Variants in PAN3 observed in about 807,000 individuals in gnomAD.
PAN3 encodes PAN2-PAN3 deadenylation complex subunit PAN3.
Under a neutral mutation model 96.2 loss-of-function variants are expected in PAN3, and 19 were observed. The observed-to-expected ratio is 0.20, with a 90% CI of 0.14 to 0.29. The LOEUF (loss-of-function observed/expected upper bound fraction) is 0.29. Ranked by LOEUF, PAN3 falls within the 10% of genes least tolerant of loss-of-function variation. The pLI is 1.00. For synonymous variants in PAN3, 433 were observed against 406.6 expected, an observed-to-expected ratio of 1.06 and a Z score of -0.78; for missense variants, 882 against 1,108.1, an observed-to-expected ratio of 0.80 and a Z score of 2.90.
At chr13:28,288,166 A>C (rs1252125405) in intron 18 of PAN3, 44 bp downstream of exon 18, 8 of 1,523,106 alleles carry the variant, frequency 5.3e-6, no homozygotes, top group Non-Finnish European at 7.1e-6. Flanking sequence ...TCTGCCTATA[A>C]TTTGTATAGA....
chr13:28,220,494 G>A, intron 6 of PAN3, 116 bp downstream of exon 6: 9 of 1,264,676 alleles, frequency 7.1e-6, no homozygotes, highest in Non-Finnish European at 9.4e-6. Flanking sequence ...TGAACATTAA[G>A]AGCTTTATGT....
At chr13:28,276,055 A>T (rs1192053566) in intron 14 of PAN3, among the ~76,000 whole-genome samples, 1 of 152,228 alleles carries the variant, frequency 6.6e-6, no homozygotes, top group East Asian at 1.9e-4. Context: ...CCTTAAAGTT[A>T]CAAATATTCC....
intron 1 of PAN3, among the ~76,000 whole-genome samples, chr13:28,171,732 C>A (rs1048900106): frequency 6.6e-6 from 1 of 152,174 alleles, no homozygotes; most frequent in Admixed American, 6.5e-5. Context: ...ACTCCTTGAA[C>A]CCCACAGTTA....
chr13:28,148,851 G>A (rs1018612842), intron 1 of PAN3, among the ~76,000 whole-genome samples: 3 of 152,114 alleles, frequency 2.0e-5, no homozygotes, highest in African/African-American at 7.2e-5. Context: ...TCTCGTGGCT[G>A]TGTAAATATT....
At chr13:28,175,834 C>G (rs183797181) in intron 2 of PAN3, among the ~76,000 whole-genome samples, 4 of 152,014 alleles carry the variant, frequency 2.6e-5, no homozygotes, top group African/African-American at 9.7e-5. Context: ...CTTTTTTCTT[C>G]TCTTTTAAAA....
chr13:28,214,559 T>C (rs543250388), intron 5 of PAN3: 27 of 364,846 alleles, frequency 7.4e-5, no homozygotes, highest in African/African-American at 4.5e-4. Context: ...ATTGGACACA[T>C]AGATTCAAGG....
intron 1 of PAN3, among the ~76,000 whole-genome samples, chr13:28,142,289 C>A (rs1251043556): frequency 6.6e-6 from 1 of 152,068 alleles, no homozygotes; most frequent in African/African-American, 2.4e-5. Context: ...TGCTTTCTAC[C>A]TTTTACTGTA....
intron 6 of PAN3, among the ~76,000 whole-genome samples, chr13:28,238,438 G>T (rs990846849): frequency 6.6e-6 from 1 of 152,150 alleles, no homozygotes; most frequent in African/African-American, 2.4e-5. Flanking sequence ...AATGTCAGAT[G>T]CCTATATTCA....
intron 1 of PAN3, among the ~76,000 whole-genome samples, chr13:28,156,031 C>A (rs1261935977): frequency 6.6e-6 from 1 of 152,002 alleles, no homozygotes; most frequent in Non-Finnish European, 1.5e-5. Context: ...TTACCACCCC[C>A]AAAGCTGGCA....
chr13:28,261,189 A>G (rs1168687468), intron 8 of PAN3, among the ~76,000 whole-genome samples: 1 of 152,194 alleles, frequency 6.6e-6, no homozygotes, highest in African/African-American at 2.4e-5. Context: ...ACATCTACTT[A>G]AACCCAATCT....
intron 5 of PAN3, among the ~76,000 whole-genome samples, chr13:28,211,746 T>TA (rs1358575863): frequency 6.6e-6 from 1 of 152,172 alleles, no homozygotes; most frequent in Non-Finnish European, 1.5e-5. Context: ...CAGAAACAGC[T>TA]AAAAAACTGA....
At chr13:28,163,007 G>C (rs1441595562) in intron 1 of PAN3, among the ~76,000 whole-genome samples, 11 of 152,048 alleles carry the variant, frequency 7.2e-5, no homozygotes, top group African/African-American at 2.7e-4. Context: ...TGTAAACTCA[G>C]CACTGTGGGA....
chr13:28,184,106 C>G (rs1467121680), intron 4 of PAN3, among the ~76,000 whole-genome samples: 2 of 152,114 alleles, frequency 1.3e-5, no homozygotes, highest in African/African-American at 4.8e-5. Context: ...CCTTCTTCCT[C>G]ACAGAAACTT....
intron 6 of PAN3, among the ~76,000 whole-genome samples, chr13:28,255,265 C>T (rs1420151298): frequency 1.3e-5 from 2 of 152,076 alleles, no homozygotes; most frequent in Admixed American, 6.6e-5. Flanking sequence ...GTAACTGTTG[C>T]TCTAAATACC....
Position 28,139,023 on chromosome 13 carries a change from G to C in PAN3, c.366G>C (p.Pro122=). ...CCAAGAAGCCGGACCTGGGGGACCC[G>C]GGGACCGGAGCCGCAGCCGGCGGAG... The part of the protein sequence containing the change: ...PGPKKPDLGD[P]GTGAAAGGGG... The change falls in exon 1 of 19, where the codon CCG becomes CCC. Residue 122 remains proline (P), a synonymous_variant. Transcript: ENST00000380958. 7.8e-7 allele frequency: 1 copy of C among 1,274,410 alleles called. No homozygotes were observed. The allele number at this position is 1,274,410 out of a possible 1,614,324, so 78.9% of individuals were successfully genotyped here.
At chr13:28,190,088 C>T (rs374391730) in intron 4 of PAN3, among the ~76,000 whole-genome samples, 16 of 152,084 alleles carry the variant, frequency 1.1e-4, no homozygotes, top group African/African-American at 2.7e-4. Flanking sequence ...GGATTATAGG[C>T]GCGTACCACC....
chr13:28,246,033 G>A (rs573940297), intron 6 of PAN3, among the ~76,000 whole-genome samples: 2 of 152,268 alleles, frequency 1.3e-5, no homozygotes, highest in Non-Finnish European at 2.9e-5. Context: ...TCGGTAATAT[G>A]CCTAGTAGTG....
chr13:28,242,303 A>G (rs1194524972), intron 6 of PAN3, among the ~76,000 whole-genome samples: 1 of 152,114 alleles, frequency 6.6e-6, no homozygotes, highest in African/African-American at 2.4e-5. Context: ...TTTGATGATG[A>G]TAGCTATTGC....
At chr13:28,144,486 A>G in intron 1 of PAN3, among the ~76,000 whole-genome samples, 1 of 151,910 alleles carries the variant, frequency 6.6e-6, no homozygotes, top group Non-Finnish European at 1.5e-5. Context: ...AAGTGCTGGG[A>G]TTACAGGCGT....
Sources: gnomAD v4.1 joint callset for allele counts (sites outside exome capture counted in the v4.1 genomes callset) on GRCh38, gnomAD v4.1.1 for gene constraint, MANE v1.5 for transcripts, NCBI Gene and HGNC (gene_info 2026-07-23, HGNC 2026-07-21) for gene names.